MICAL3: variants seen among roughly 807,000 people sequenced by gnomAD.
The protein encoded by MICAL3 is [F-actin]-monooxygenase MICAL3.
Under a neutral mutation model 207.4 loss-of-function variants are expected in MICAL3, and 62 were observed. The observed-to-expected ratio is 0.30, with a 90% CI of 0.24 to 0.37. MICAL3 has a LOEUF of 0.37. MICAL3 is among the 10% of genes least tolerant of loss of function. The pLI is 1.00. For synonymous variants in MICAL3, 1,077 were observed against 1,069.3 expected, an observed-to-expected ratio of 1.01 and a Z score of -0.14; for missense variants, 2,368 against 2,635.6, an observed-to-expected ratio of 0.90 and a Z score of 2.22.
chr22:17,946,623 C>T (rs1934080475), intron 1 of MICAL3, among the ~76,000 whole-genome samples: 1 of 152,188 alleles, frequency 6.6e-6, no homozygotes. Flanking sequence ...GACACATCCC[C>T]AAAGTACCAG....
chr22:17,806,379 G>A (rs182788763), intron 29 of MICAL3, among the ~76,000 whole-genome samples: 29 of 151,836 alleles, frequency 1.9e-4, no homozygotes, highest in Admixed American at 1.9e-3. Flanking sequence ...ACTTTGTTTG[G>A]GAGCCTCTTG....
intron 9 of MICAL3, 60 bp downstream of exon 9, chr22:17,896,186 G>T: frequency 1.1e-6 from 1 of 944,716 alleles, no homozygotes; most frequent in Non-Finnish European, 1.7e-6. Context: ...TGCCTGAAGA[G>T]TAAACCACTC....
intron 1 of MICAL3, among the ~76,000 whole-genome samples, chr22:18,006,782 G>A (rs1280040081): frequency 6.6e-6 from 1 of 152,146 alleles, no homozygotes; most frequent in South Asian, 2.1e-4. Context: ...GTGATGAGCC[G>A]TGATTGTGCC....
At chr22:17,836,041 CCTT>C (rs1247274218) in intron 20 of MICAL3, among the ~76,000 whole-genome samples, 1 of 152,106 alleles carries the variant, frequency 6.6e-6, no homozygotes, top group Non-Finnish European at 1.5e-5. Flanking sequence ...CAAAATCCCT[CCTT>C]GTCTCAGTTT....
At chr22:17,830,252 G>A (rs8136428) in intron 21 of MICAL3, among the ~76,000 whole-genome samples, 46,397 of 151,986 alleles carry the variant, frequency 0.31, 7,464 homozygotes, top group Non-Finnish European at 0.35. Context: ...TCCAGCCACT[G>A]CCTGCACAGG....
intron 1 of MICAL3, among the ~76,000 whole-genome samples, chr22:17,963,369 C>T (rs1278747696): frequency 2.6e-5 from 4 of 152,242 alleles, no homozygotes; most frequent in East Asian, 3.9e-4. Flanking sequence ...ACACCCATGG[C>T]GTGAGATGAA....
chr22:17,883,508 C>T (rs2146213013), intron 16 of MICAL3, among the ~76,000 whole-genome samples: 1 of 152,332 alleles, frequency 6.6e-6, no homozygotes, highest in South Asian at 2.1e-4. Flanking sequence ...ATGGCCCTCT[C>T]AGCATCTCAG....
intron 29 of MICAL3, among the ~76,000 whole-genome samples, chr22:17,804,519 C>T (rs2061970884): frequency 6.6e-6 from 1 of 152,222 alleles, no homozygotes; most frequent in African/African-American, 2.4e-5. Flanking sequence ...CAGAGTTCTT[C>T]CCCCAGGCAC....
chr22:17,986,056 G>A (rs1020240241), intron 1 of MICAL3, among the ~76,000 whole-genome samples: 25 of 152,090 alleles, frequency 1.6e-4, no homozygotes, highest in Non-Finnish European at 8.8e-5. Context: ...ACAGGCACCC[G>A]CCACCATGCC....
chr22:18,023,865 C>T (rs1191223644), intron 1 of MICAL3, among the ~76,000 whole-genome samples: 2 of 152,254 alleles, frequency 1.3e-5, no homozygotes, highest in Non-Finnish European at 2.9e-5. Flanking sequence ...CTAGCCAGAG[C>T]GGACCCGGCT....
At chr22:17,973,427 G>A (rs1041276279) in intron 1 of MICAL3, among the ~76,000 whole-genome samples, 10 of 152,176 alleles carry the variant, frequency 6.6e-5, no homozygotes, top group Admixed American at 2.0e-4. Flanking sequence ...CTGGGACACC[G>A]GCTTGATCAT....
At chr22:17,816,524 G>A (rs894596276) in intron 27 of MICAL3, among the ~76,000 whole-genome samples, 166 bp downstream of exon 27, 2 of 152,232 alleles carry the variant, frequency 1.3e-5, no homozygotes, top group East Asian at 3.8e-4. Flanking sequence ...AAAGCCCAGC[G>A]TGACCGCCTC....
intron 21 of MICAL3, among the ~76,000 whole-genome samples, chr22:17,831,025 C>T (rs1299889053): frequency 6.6e-6 from 1 of 152,198 alleles, no homozygotes; most frequent in African/African-American, 2.4e-5. Context: ...AGCACAGTGC[C>T]AGCTCTGCAG....
intron 1 of MICAL3, among the ~76,000 whole-genome samples, chr22:17,974,221 C>G (rs919033432): frequency 1.3e-4 from 20 of 152,196 alleles, no homozygotes; most frequent in African/African-American, 4.6e-4. Context: ...CACCACCCTG[C>G]TGTCTGCCCT....
chr22:17,838,349 G>A (rs7290749), intron 20 of MICAL3, among the ~76,000 whole-genome samples: 124 of 152,194 alleles, frequency 8.1e-4, no homozygotes, highest in African/African-American at 2.8e-3. Context: ...CAACATTCTC[G>A]GACAGGGTGA....
At chr22:17,896,026 T>C (rs1930796764) in intron 9 of MICAL3, among the ~76,000 whole-genome samples, 1 of 152,250 alleles carries the variant, frequency 6.6e-6, no homozygotes, top group Admixed American at 6.5e-5. Flanking sequence ...AAGAAATTTA[T>C]CTTGGAAAGG....
At chr22:17,828,119 T>C (rs1922403084) in intron 21 of MICAL3, among the ~76,000 whole-genome samples, 1 of 152,102 alleles carries the variant, frequency 6.6e-6, no homozygotes, top group Non-Finnish European at 1.5e-5. Flanking sequence ...TGCACCAAGA[T>C]GGAAAAAGAG....
chr22:17,947,197 C>T (rs1052197482), intron 1 of MICAL3, among the ~76,000 whole-genome samples: 4 of 152,220 alleles, frequency 2.6e-5, no homozygotes, highest in South Asian at 2.1e-4. Flanking sequence ...AGCCGCTGCA[C>T]GCGTTCATCT....
At chr22:17,928,827 C>G (rs1292819814) in intron 1 of MICAL3, among the ~76,000 whole-genome samples, 3 of 152,200 alleles carry the variant, frequency 2.0e-5, no homozygotes, top group Non-Finnish European at 2.9e-5. Flanking sequence ...CGGAGTCTCA[C>G]TCTGTCACCC....
Sources: gnomAD v4.1 joint callset for allele counts (sites outside exome capture counted in the v4.1 genomes callset) on GRCh38, gnomAD v4.1.1 for gene constraint, MANE v1.5 for transcripts, NCBI Gene and HGNC (gene_info 2026-07-23, HGNC 2026-07-21) for gene names.